The following ADGRV1 variants were observed in gnomAD, a reference collection of about 807,000 sequenced individuals.
ADGRV1 encodes adhesion G protein-coupled receptor V1.
Under a neutral mutation model 596.2 loss-of-function variants are expected in ADGRV1, and 359 were observed. The ratio of observed to expected loss-of-function variants is 0.60; its 90% confidence interval spans 0.55 to 0.66. The LOEUF (loss-of-function observed/expected upper bound fraction) is 0.66, where lower values mean the gene tolerates loss of function less well. Ranked by LOEUF, ADGRV1 falls within the 30% of genes least tolerant of loss-of-function variation. ADGRV1 has a pLI of 0.00. For synonymous variants in ADGRV1, 2,681 were observed against 2,679.2 expected, an observed-to-expected ratio of 1.00 and a Z score of -0.02; for missense variants, 7,274 against 7,575.6, an observed-to-expected ratio of 0.96 and a Z score of 1.48.
rs76993731 is a variant in ADGRV1 at position 90,622,428 on chromosome 5, T to C, written c.454-169T>C. Among the ~76,000 whole-genome samples the C allele has an allele frequency of 0.019, 2,876 of 152,354 alleles. 82 individuals carry two copies. Among genetic ancestry groups the C allele is most frequent in the African/African-American group, 0.065 (2,696 of 41,578 alleles). On this transcript the variant is annotated intron_variant, in intron 4 of 89. Coordinates refer to ENST00000405460, the MANE Select transcript of ADGRV1 (RefSeq NM_032119.4). ...CTTTACACTATTCTTTTTAACTTTT[T>C]CAGCATTTTAAAGCTATAGTTCATT...
chr5:90,855,005 T>C lies in ADGRV1; in HGVS notation c.17595-736T>C, dbSNP rs185061005. ...AATAGAAATACTCTGAAATCTTCAA[T>C]ATATAATTAATAATGAATGTTTCAA... On this transcript the variant is annotated intron_variant, in intron 81 of 89. Coordinates refer to ENST00000405460, the MANE Select transcript of ADGRV1 (RefSeq NM_032119.4). 2.6e-5 allele frequency among the ~76,000 whole-genome samples: 4 copies of C among 152,178 alleles called. No individual in the cohort carries two copies. In the East Asian group the frequency reaches 7.7e-4, roughly 29 times the overall value.
Position 90,558,867 on chromosome 5 carries a change from G to T in ADGRV1, c.-29G>T. 3 of 1,560,284 alleles carry T rather than the reference G, an allele frequency of 1.9e-6. No individual in the cohort carries two copies. The highest frequency in any genetic ancestry group is 3.9e-5 in the Admixed American group (2 of 51,750). ...AGAGGCAGAGCGAGGGTGTGTGGAG[G>T]GCCGGCGGGGACCGCCGGGAGCGCG... On this transcript the variant is annotated 5_prime_UTR_variant, in exon 1 of 90. Transcript: ENST00000405460.
At chr5:90,652,321 A>G in intron 18 of ADGRV1, 25 bp from the exon 19 acceptor site, 2 of 1,506,828 alleles carry the variant, frequency 1.3e-6, no homozygotes, top group Non-Finnish European at 1.8e-6. Context: ...CACTACTTAT[A>G]AATTTTCTTT....
chr5:90,687,435 G>A (rs1424558862), intron 29 of ADGRV1, among the ~76,000 whole-genome samples: 1 of 152,062 alleles, frequency 6.6e-6, no homozygotes, highest in Non-Finnish European at 1.5e-5. Flanking sequence ...CATATGGCTA[G>A]TCAGTTTTTC....
At chr5:90,927,816 G>A (rs1774680615) in intron 83 of ADGRV1, among the ~76,000 whole-genome samples, 1 of 151,958 alleles carries the variant, frequency 6.6e-6, no homozygotes, top group Non-Finnish European at 1.5e-5. Context: ...AGCTCTTTTA[G>A]GGCAGGCCTG....
intron 85 of ADGRV1, among the ~76,000 whole-genome samples, chr5:91,002,030 G>T (rs1211992766): frequency 6.6e-6 from 1 of 152,016 alleles, no homozygotes; most frequent in African/African-American, 2.4e-5. Flanking sequence ...AAAGAGATTA[G>T]CCTGATATTT....
At chr5:90,672,894 T>C (rs1772686009) in intron 22 of ADGRV1, 172 bp downstream of exon 22, 1 of 539,674 alleles carries the variant, frequency 1.9e-6, no homozygotes, top group African/African-American at 1.9e-5. Context: ...AAAACCTTTA[T>C]CAGGTAGAGT....
chr5:90,875,120 C>T (rs1455866273), intron 83 of ADGRV1, among the ~76,000 whole-genome samples: 1 of 152,114 alleles, frequency 6.6e-6, no homozygotes, highest in South Asian at 2.1e-4. Context: ...TTTGAGCCTG[C>T]AGTGAGCTAT....
At chr5:90,853,249 G>A in intron 79 of ADGRV1, 35 bp from the exon 80 acceptor site, 1 of 1,557,670 alleles carries the variant, frequency 6.4e-7, no homozygotes, top group South Asian at 1.2e-5. Context: ...TCAAATACAT[G>A]CCATTTTTAC....
intron 85 of ADGRV1, among the ~76,000 whole-genome samples, chr5:91,016,024 C>T (rs1055779055): frequency 2.0e-5 from 3 of 152,006 alleles, no homozygotes; most frequent in African/African-American, 7.2e-5. Flanking sequence ...CTATTTAGTG[C>T]TCCTTTCAAG....
intron 21 of ADGRV1, among the ~76,000 whole-genome samples, chr5:90,671,460 C>T (rs1327526664): frequency 2.0e-5 from 3 of 152,142 alleles, no homozygotes; most frequent in Non-Finnish European, 4.4e-5. Flanking sequence ...CTGGTGTACT[C>T]GATCCTCTTT....
chr5:91,093,902 A>G (rs1468662690), intron 86 of ADGRV1, among the ~76,000 whole-genome samples: 3 of 144,166 alleles, frequency 2.1e-5, no homozygotes, highest in African/African-American at 7.9e-5. Context: ...CCCAGGCTGG[A>G]GTGCAGTGGT....
intron 85 of ADGRV1, among the ~76,000 whole-genome samples, chr5:91,005,485 C>T (rs1378119140): frequency 6.6e-6 from 1 of 152,024 alleles, no homozygotes; most frequent in African/African-American, 2.4e-5. Flanking sequence ...TACAGGCACA[C>T]GCCACCATGC....
chr5:91,062,227 A>G (rs1787499525), intron 85 of ADGRV1, among the ~76,000 whole-genome samples: 1 of 152,172 alleles, frequency 6.6e-6, no homozygotes, highest in Admixed American at 6.5e-5. Context: ...TGTTTGCTCC[A>G]ATATGGCCAT....
chr5:90,869,512 CTAAT>C (rs1209953374), intron 83 of ADGRV1, among the ~76,000 whole-genome samples: 2 of 152,072 alleles, frequency 1.3e-5, no homozygotes, highest in African/African-American at 2.4e-5. Flanking sequence ...GTAAGAGACT[CTAAT>C]TAGGGAGAGT....
rs72784680 is a variant in ADGRV1, at chr5:91,150,014, T to C, written c.18433-16T>C. 0.027 allele frequency: 23,612 copies of C among 867,330 alleles called. 790 individuals carry two copies. The highest frequency in any genetic ancestry group is 0.21 in the African/African-American group (10,886 of 50,838). The allele number at this position is 867,330 out of a possible 1,614,324, so 53.7% of individuals were successfully genotyped here. On this transcript the variant is annotated splice_polypyrimidine_tract_variant and intron_variant, in intron 87 of 89. Coordinates refer to ENST00000405460, the MANE Select transcript of ADGRV1 (RefSeq NM_032119.4). ...TTTTCTTTTTCTTTTCTTTTCTTTT[T>C]TTTTTTTTTTTGCAGGGACTTTATG...
chr5:90,754,380 A>G (rs1380750393), intron 54 of ADGRV1, among the ~76,000 whole-genome samples: 1 of 152,210 alleles, frequency 6.6e-6, no homozygotes, highest in Non-Finnish European at 1.5e-5. Flanking sequence ...AATAACATGG[A>G]CATCCAGCTT....
chr5:90,586,703 C>A (rs1024234300), intron 1 of ADGRV1, among the ~76,000 whole-genome samples: 2 of 152,214 alleles, frequency 1.3e-5, no homozygotes, highest in Non-Finnish European at 2.9e-5. Context: ...AGGAGGCACA[C>A]CGTGTCTGGC....
intron 5 of ADGRV1, among the ~76,000 whole-genome samples, chr5:90,623,739 C>G (rs561762104): frequency 3.9e-5 from 6 of 152,156 alleles, no homozygotes; most frequent in African/African-American, 1.4e-4. Flanking sequence ...TTCAGTACAC[C>G]AAATGGATGG....
Sources: allele counts gnomAD v4.1 joint callset (sites outside exome capture counted in the v4.1 genomes callset), GRCh38; gene constraint gnomAD v4.1.1; transcripts MANE v1.5; gene names NCBI Gene and HGNC (gene_info 2026-07-23, HGNC 2026-07-21).